EXD3: variants seen among roughly 807,000 people sequenced by gnomAD.
EXD3 encodes the protein exonuclease 3'-5' domain containing 3.
Under a neutral mutation model 98.0 loss-of-function variants are expected in EXD3, and 92 were observed. The ratio of observed to expected loss-of-function variants is 0.94; its 90% CI spans 0.79 to 1.12. EXD3 has a LOEUF of 1.12. Ranked by LOEUF, EXD3 falls within the 50% of genes most tolerant of loss-of-function variation. The pLI is 0.00. For synonymous variants in EXD3, 569 were observed against 526.0 expected, an observed-to-expected ratio of 1.08 and a Z score of -1.12; for missense variants, 1,222 against 1,191.6, an observed-to-expected ratio of 1.03 and a Z score of -0.38.
intron 17 of EXD3, chr9:137,343,575 C>CTTTTTTTTATTTTTTTT (rs1833761349): frequency 1.8e-5 from 1 of 56,586 alleles, no homozygotes; most frequent in Non-Finnish European, 2.9e-5. Flanking sequence ...ACTACTGTAT[C>CTTTTTTTTATTTTTTTT]TTTTTTTTTT....
intron 3 of EXD3, among the ~76,000 whole-genome samples, chr9:137,382,053 G>A (rs1272933527): frequency 4.1e-5 from 6 of 146,578 alleles, no homozygotes; most frequent in East Asian, 2.0e-4. Context: ...GGAGGTGAGG[G>A]CGCGCGGAGG....
At chr9:137,350,799 A>G (rs993493201) in intron 14 of EXD3, among the ~76,000 whole-genome samples, 2 of 152,024 alleles carry the variant, frequency 1.3e-5, no homozygotes, top group African/African-American at 4.8e-5. Flanking sequence ...GTGCCCTCAC[A>G]CCAGATAACG....
chr9:137,355,183 C>A (rs1440096482), intron 8 of EXD3, among the ~76,000 whole-genome samples: 4 of 152,148 alleles, frequency 2.6e-5, no homozygotes, highest in Non-Finnish European at 5.9e-5. Context: ...GGGACTGAGG[C>A]ACACGCACGT....
At chr9:137,417,177 A>G (rs1193837996) in intron 1 of EXD3, among the ~76,000 whole-genome samples, 1 of 152,148 alleles carries the variant, frequency 6.6e-6, no homozygotes, top group Non-Finnish European at 1.5e-5. Context: ...GGGAGAAGTC[A>G]GGTGGGCGGT....
chr9:137,367,880 G>A (rs1469610085), intron 6 of EXD3, 56 bp downstream of exon 6: 1 of 1,533,810 alleles, frequency 6.5e-7, no homozygotes, highest in African/African-American at 1.4e-5. Context: ...TGTTTATAGA[G>A]ACCTGGGCGT....
intron 3 of EXD3, among the ~76,000 whole-genome samples, chr9:137,378,957 T>C (rs1215534437): frequency 3.0e-4 from 30 of 98,578 alleles, no homozygotes; most frequent in Admixed American, 5.6e-4. Flanking sequence ...TGGGTGACGG[T>C]GACCATTGCC....
At position 137,365,808 on chromosome 9, in the gene EXD3, T is replaced by C. The variant is rs546182879; in HGVS notation, c.656+685A>G. On this transcript the variant is annotated intron_variant, in intron 7 of 21. Coordinates refer to ENST00000340951, the MANE Select transcript of EXD3 (RefSeq NM_017820.5). The stretch of plus-strand genomic sequence containing the variant: ...ACGTACACCTGCAGGCACACACATG[T>C]ACACATCATATGCACGCAGACATAC... 2.9e-4 allele frequency: 96 copies of C among 334,656 alleles called. 1 individual carries two copies. The East Asian group carries it at 7.6e-3, about 26-fold the overall frequency. 20.7% of individuals were successfully genotyped at this position (334,656 alleles called of 1,614,324 possible).
In EXD3 at chr9:137,354,284, CT is replaced by C. The variant is rs374730150; in HGVS notation, c.870+54del. On this transcript the variant is annotated intron_variant, in intron 10 of 21. Transcript: ENST00000340951. ...ACCAGGAGGCTCCGGGCCTGTGCCC[CT>C]AGGACAGCCGCCCAGGCCGCCCTGC... 6.7e-4 allele frequency: 1,076 copies of C among 1,601,628 alleles called. 2 individuals are homozygous for C. The African/African-American group carries it at 0.011, about 16-fold the overall frequency.
chr9:137,365,690 G>A, intron 7 of EXD3: 1 of 241,608 alleles, frequency 4.1e-6, no homozygotes, highest in South Asian at 4.6e-5. Context: ...AGGCACACAT[G>A]CACACACGTA....
intron 3 of EXD3, among the ~76,000 whole-genome samples, chr9:137,375,458 G>A (rs141208241): frequency 1.9e-4 from 29 of 152,092 alleles, no homozygotes; most frequent in African/African-American, 6.3e-4. Context: ...TAGCTCTAGC[G>A]AGTTCTAACT....
intron 7 of EXD3, among the ~76,000 whole-genome samples, chr9:137,362,489 T>C (rs1470738061): frequency 6.6e-6 from 1 of 151,294 alleles, no homozygotes; most frequent in Non-Finnish European, 1.5e-5. Context: ...AAACTAAGCA[T>C]AGAAAGGAAC....
At chr9:137,351,203 CCT>C (rs1241802840) in intron 13 of EXD3, 56 bp from the exon 14 acceptor site, 2 of 1,538,984 alleles carry the variant, frequency 1.3e-6, no homozygotes, top group African/African-American at 1.4e-5. Context: ...CGCACTGTCC[CCT>C]GACCCCAGGG....
intron 19 of EXD3, among the ~76,000 whole-genome samples, chr9:137,319,254 G>A (rs1264619715): frequency 1.3e-5 from 2 of 152,260 alleles, no homozygotes; most frequent in Admixed American, 6.5e-5. Context: ...ATGGGTCATA[G>A]CCAGCCGAGC....
chr9:137,388,203 T>A (rs1240709237), intron 2 of EXD3, among the ~76,000 whole-genome samples: 1 of 149,648 alleles, frequency 6.7e-6, no homozygotes, highest in African/African-American at 2.5e-5. Context: ...CCACACTGGC[T>A]TCCCCCCCAG....
chr9:137,316,119 T>G (rs1208558272), intron 19 of EXD3, among the ~76,000 whole-genome samples: 43 of 145,148 alleles, frequency 3.0e-4, no homozygotes, highest in African/African-American at 8.8e-4. Flanking sequence ...CGCGGCGCGC[T>G]GGCTTTCCCA....
chr9:137,336,676 A>AC, intron 17 of EXD3, among the ~76,000 whole-genome samples: 1 of 151,290 alleles, frequency 6.6e-6, no homozygotes, highest in East Asian at 1.9e-4. Context: ...AAAAAAAAAA[A>AC]TTCTAGGGCA....
intron 1 of EXD3, among the ~76,000 whole-genome samples, chr9:137,410,853 T>G (rs1410346892): frequency 6.6e-6 from 1 of 151,712 alleles, no homozygotes; most frequent in Non-Finnish European, 1.5e-5. Flanking sequence ...AGGGCCTGAG[T>G]GAGGTCCAAG....
intron 1 of EXD3, among the ~76,000 whole-genome samples, chr9:137,411,335 G>T (rs1015605100): frequency 6.6e-6 from 1 of 152,256 alleles, no homozygotes; most frequent in Admixed American, 6.5e-5. Context: ...CTGGGCATGG[G>T]GCTTGCTCCG....
intron 5 of EXD3, 64 bp from the exon 6 acceptor site, chr9:137,368,053 A>G: frequency 7.2e-7 from 1 of 1,379,466 alleles, no homozygotes; most frequent in Non-Finnish European, 1.0e-6. Flanking sequence ...ACGGCGGGTG[A>G]GGGGGCTACC....
Sources: gnomAD v4.1 joint callset for allele counts (sites outside exome capture counted in the v4.1 genomes callset) on GRCh38, gnomAD v4.1.1 for gene constraint, MANE v1.5 for transcripts, NCBI Gene and HGNC (gene_info 2026-07-23, HGNC 2026-07-21) for gene names.